ADARB2: variants seen among roughly 807,000 people sequenced by gnomAD.
ADARB2 encodes the protein inactive double-stranded RNA-specific editase B2.
Under a neutral mutation model 62.2 loss-of-function variants are expected in ADARB2, and 25 were observed. That is an observed-to-expected ratio of 0.40 (90% CI 0.29 to 0.56). The LOEUF is 0.56. Among genes scored for constraint, ADARB2 ranks in the 20% least tolerant of loss-of-function variants. The pLI is 0.43. For synonymous variants in ADARB2, 572 were observed against 500.8 expected (o/e 1.14, Z -1.90); for missense variants, 1,071 against 1,077.4 (o/e 0.99, Z 0.08).
intron 1 of ADARB2, among the ~76,000 whole-genome samples, chr10:1,652,284 C>G (rs1001776488): frequency 3.3e-5 from 5 of 152,212 alleles, no homozygotes; most frequent in Admixed American, 3.3e-4. Context: ...GCAAATGCTC[C>G]TGAGCACCCA....
chr10:1,546,427 A>C (rs1310064403), intron 1 of ADARB2, among the ~76,000 whole-genome samples: 2 of 152,218 alleles, frequency 1.3e-5, no homozygotes, highest in Non-Finnish European at 2.9e-5. Context: ...CTCTAAAATT[A>C]CCACCTGCAA....
intron 1 of ADARB2, among the ~76,000 whole-genome samples, chr10:1,656,471 C>A (rs1834173139): frequency 6.6e-6 from 1 of 151,736 alleles, no homozygotes; most frequent in African/African-American, 2.4e-5. Flanking sequence ...TATTAGATAG[C>A]TTCACTTTCA....
chr10:1,587,196 T>G (rs2676193), intron 1 of ADARB2, among the ~76,000 whole-genome samples: 149,458 of 152,310 alleles, frequency 0.98, 73,375 homozygotes, highest in Non-Finnish European at 1. Context: ...CCTAAAGAAT[T>G]ATTTTGACCT....
intron 3 of ADARB2, among the ~76,000 whole-genome samples, chr10:1,351,539 T>C (rs1469654961): frequency 6.6e-6 from 1 of 152,132 alleles, no homozygotes; most frequent in African/African-American, 2.4e-5. Flanking sequence ...CTTCCCTGAC[T>C]ATTCCCTGAC....
intron 1 of ADARB2, among the ~76,000 whole-genome samples, chr10:1,685,629 T>A (rs1176138474): frequency 2.6e-5 from 4 of 152,200 alleles, no homozygotes; most frequent in Non-Finnish European, 4.4e-5. Flanking sequence ...CTTACTACAT[T>A]AAAATGTGGA....
rs77399660 is a variant in ADARB2, at chr10:1,468,448, C to T, written c.101-89288G>A. 9.7e-4 allele frequency among the ~76,000 whole-genome samples: 148 copies of T among 152,306 alleles called. 3 individuals are homozygous for T. The East Asian group carries it at 0.023, about 23-fold the overall frequency. ...ATGCTACCTAGTGTGGCCCAAGATG[C>T]GCTTTTGTCCAACTCATCCCACTCA... On this transcript the variant is annotated intron_variant, in intron 1 of 9. Coordinates refer to ENST00000381312, the MANE Select transcript of ADARB2 (RefSeq NM_018702.4).
chr10:1,661,108 G>T (rs991730336), intron 1 of ADARB2, among the ~76,000 whole-genome samples: 1 of 152,100 alleles, frequency 6.6e-6, no homozygotes, highest in South Asian at 2.1e-4. Flanking sequence ...AATACCCTTA[G>T]TCTGTAAGAG....
intron 3 of ADARB2, among the ~76,000 whole-genome samples, chr10:1,356,966 G>A (rs1475700292): frequency 2.6e-5 from 4 of 152,164 alleles, no homozygotes; most frequent in Non-Finnish European, 5.9e-5. Context: ...AATGACGTTC[G>A]TTTTAACCCC....
chr10:1,623,434 G>C (rs1833731648), intron 1 of ADARB2, among the ~76,000 whole-genome samples: 1 of 152,214 alleles, frequency 6.6e-6, no homozygotes, highest in Non-Finnish European at 1.5e-5. Context: ...GCACTTACTT[G>C]ATTACACTTG....
At chr10:1,536,310 C>T (rs7915175) in intron 1 of ADARB2, among the ~76,000 whole-genome samples, 3,465 of 152,312 alleles carry the variant, frequency 0.023, 138 homozygotes, top group African/African-American at 0.077. Flanking sequence ...AAGGGGCCTT[C>T]ATGGCAATCC....
chr10:1,681,109 A>G (rs1450822383), intron 1 of ADARB2, among the ~76,000 whole-genome samples: 1 of 152,230 alleles, frequency 6.6e-6, no homozygotes, highest in Non-Finnish European at 1.5e-5. Context: ...TAATGTAAGG[A>G]CGCAGCAACC....
intron 1 of ADARB2, among the ~76,000 whole-genome samples, chr10:1,533,006 G>A (rs923870651): frequency 5.3e-5 from 8 of 152,168 alleles, no homozygotes; most frequent in Non-Finnish European, 1.2e-4. Flanking sequence ...CCAGGGGAAG[G>A]ACAGGGTAGG....
intron 7 of ADARB2, among the ~76,000 whole-genome samples, chr10:1,202,197 C>T (rs1195717464): frequency 1.3e-5 from 2 of 151,976 alleles, no homozygotes; most frequent in Non-Finnish European, 2.9e-5. Flanking sequence ...CCCACCTCAG[C>T]CTCCTTAAGT....
At chr10:1,262,290 A>AATAATAAT (rs1831147435) in intron 4 of ADARB2, among the ~76,000 whole-genome samples, 1 of 112,040 alleles carries the variant, frequency 8.9e-6, no homozygotes, top group Non-Finnish European at 1.8e-5. Flanking sequence ...CTTAAAGTAT[A>AATAATAAT]ATAATAATAA....
At chr10:1,390,498 A>C (rs901901635) in intron 1 of ADARB2, among the ~76,000 whole-genome samples, 2 of 152,254 alleles carry the variant, frequency 1.3e-5, no homozygotes, top group Non-Finnish European at 2.9e-5. Flanking sequence ...TCATGACTGG[A>C]CAAGAAAATA....
At chr10:1,380,428 C>T (rs1832472766) in intron 1 of ADARB2, among the ~76,000 whole-genome samples, 1 of 152,246 alleles carries the variant, frequency 6.6e-6, no homozygotes. Context: ...GTAACAAGGA[C>T]GGCTGTCCAC....
At position 1,531,567 on chromosome 10, in the gene ADARB2, C is replaced by T. The variant is rs566213448; in HGVS notation, c.101-152407G>A. Among the ~76,000 whole-genome samples, 17 of 152,260 alleles carry T rather than the reference C, an allele frequency of 1.1e-4. No homozygotes were observed. In the East Asian group the frequency reaches 2.1e-3, roughly 19 times the overall value. On this transcript the variant is annotated intron_variant, in intron 1 of 9. Transcript: ENST00000381312. ...GTAATAGTGCTCTAGAGACTGGGTGCGGTGGCTCACGCCTGTAATCCTAGC... is the reference window on the plus strand; with the variant it reads ...GTAATAGTGCTCTAGAGACTGGGTGTGGTGGCTCACGCCTGTAATCCTAGC...
intron 1 of ADARB2, among the ~76,000 whole-genome samples, chr10:1,560,427 C>T (rs929846720): frequency 6.6e-6 from 1 of 151,912 alleles, no homozygotes; most frequent in Admixed American, 6.6e-5. Context: ...TGGGTCATCA[C>T]GAGGCGCACC....
intron 1 of ADARB2, among the ~76,000 whole-genome samples, chr10:1,574,442 C>A (rs1352778045): frequency 6.6e-6 from 1 of 152,174 alleles, no homozygotes; most frequent in Non-Finnish European, 1.5e-5. Flanking sequence ...CACAAGTCTT[C>A]TTAGACTTTC....
Sources: gnomAD v4.1 joint callset for allele counts (sites outside exome capture counted in the v4.1 genomes callset) on GRCh38, gnomAD v4.1.1 for gene constraint, MANE v1.5 for transcripts, NCBI Gene and HGNC (gene_info 2026-07-23, HGNC 2026-07-21) for gene names.